KCNT2: variants seen among roughly 807,000 people sequenced by gnomAD.
KCNT2 encodes potassium sodium-activated channel subfamily T member 2.
A neutral mutation model predicts 153.8 loss-of-function variants in KCNT2; 67 were observed. The observed-to-expected ratio is 0.44, with a 90% CI of 0.36 to 0.53. KCNT2 has a LOEUF of 0.53. KCNT2 is among the 20% of genes least tolerant of loss of function. KCNT2 has a pLI of 0.00. For missense variants in KCNT2, 975 were observed against 1,354.8 expected, an observed-to-expected ratio of 0.72 and a Z score of 4.40; for synonymous variants, 500 against 458.8, an observed-to-expected ratio of 1.09 and a Z score of -1.15.
At chr1:196,582,496 G>A (rs1427130043) in intron 1 of KCNT2, 1 of 154,282 alleles carries the variant, frequency 6.5e-6, no homozygotes, top group Non-Finnish European at 1.5e-5. Context: ...TATGCAAGCA[G>A]GGAAGATAAA....
chr1:196,362,115 T>G (rs762136001), intron 14 of KCNT2, among the ~76,000 whole-genome samples: 7 of 152,066 alleles, frequency 4.6e-5, no homozygotes, highest in Non-Finnish European at 1.0e-4. Context: ...CCCCCACTTT[T>G]TTTGTTTGTT....
intron 8 of KCNT2, among the ~76,000 whole-genome samples, chr1:196,432,347 C>T (rs1674238211): frequency 6.6e-6 from 1 of 152,086 alleles, no homozygotes. Context: ...CCTGGTGGAG[C>T]CATCCCTGAA....
chr1:196,413,652 G>A (rs1357582837), intron 12 of KCNT2, among the ~76,000 whole-genome samples: 1 of 151,654 alleles, frequency 6.6e-6, no homozygotes, highest in East Asian at 1.9e-4. Flanking sequence ...TAGTCAGAAA[G>A]CATTTTGATC....
At chr1:196,296,295 T>C (rs1660669109) in intron 22 of KCNT2, among the ~76,000 whole-genome samples, 1 of 151,698 alleles carries the variant, frequency 6.6e-6, no homozygotes, top group South Asian at 2.1e-4. Context: ...AAAAATGAAA[T>C]AGTCAAAGAA....
intron 1 of KCNT2, among the ~76,000 whole-genome samples, chr1:196,548,746 G>T (rs1452100847): frequency 1.3e-5 from 2 of 151,978 alleles, no homozygotes; most frequent in African/African-American, 4.8e-5. Context: ...CAAACACTTG[G>T]AACCAACCCA....
At chr1:196,530,245 G>A (rs2148846401) in intron 1 of KCNT2, among the ~76,000 whole-genome samples, 1 of 152,014 alleles carries the variant, frequency 6.6e-6, no homozygotes. Flanking sequence ...GTTAGGAGGA[G>A]ATTTAAAATT....
intron 21 of KCNT2, 22 bp downstream of exon 21, chr1:196,315,870 G>A: frequency 3.8e-6 from 6 of 1,592,336 alleles, no homozygotes; most frequent in Non-Finnish European, 4.3e-6. Flanking sequence ...AAGTGGCAAG[G>A]TTGGATGATT....
intron 14 of KCNT2, among the ~76,000 whole-genome samples, chr1:196,350,441 A>G (rs1381248738): frequency 1.3e-5 from 2 of 152,026 alleles, no homozygotes; most frequent in African/African-American, 2.4e-5. Context: ...TTTGATTTGC[A>G]TTTCTCTGAT....
At chr1:196,232,173 T>A (rs577059576) in intron 27 of KCNT2, among the ~76,000 whole-genome samples, 6 of 151,948 alleles carry the variant, frequency 3.9e-5, no homozygotes, top group Middle Eastern at 3.4e-3. Context: ...CTATGCACAC[T>A]GCTTTATAGT....
At chr1:196,325,652 C>T (rs551321749) in intron 19 of KCNT2, among the ~76,000 whole-genome samples, 87 of 152,106 alleles carry the variant, frequency 5.7e-4, no homozygotes, top group Admixed American at 2.6e-3. Flanking sequence ...GTTTCTGTTC[C>T]CCTTCATTTA....
intron 26 of KCNT2, among the ~76,000 whole-genome samples, chr1:196,253,609 C>A (rs1656186377): frequency 6.6e-6 from 1 of 151,484 alleles, no homozygotes; most frequent in African/African-American, 2.4e-5. Context: ...ATTTCCCTTT[C>A]CCTGGGGAAC....
chr1:196,584,580 G>A (rs78074463), intron 1 of KCNT2, among the ~76,000 whole-genome samples: 8,767 of 152,138 alleles, frequency 0.058, 392 homozygotes, highest in Non-Finnish European at 0.085. Context: ...AATCAACAGA[G>A]TATGAGGATG....
At chr1:196,285,229 C>T (rs139252945) in intron 23 of KCNT2, among the ~76,000 whole-genome samples, 40 of 152,168 alleles carry the variant, frequency 2.6e-4, no homozygotes, top group African/African-American at 9.4e-4. Context: ...TTAAAATGTC[C>T]TTAGTTTATC....
At chr1:196,269,374 T>C (rs566883529) in intron 25 of KCNT2, among the ~76,000 whole-genome samples, 57 of 152,082 alleles carry the variant, frequency 3.7e-4, no homozygotes, top group Middle Eastern at 3.4e-3. Flanking sequence ...TGTGTGTGTG[T>C]GCATGTACGT....
At chr1:196,347,268 C>A (rs180834514) in intron 14 of KCNT2, among the ~76,000 whole-genome samples, 6 of 152,262 alleles carry the variant, frequency 3.9e-5, no homozygotes, top group African/African-American at 1.4e-4. Context: ...CTTCAGCTTA[C>A]AGTTCTATCC....
At chr1:196,448,266 T>C (rs1675864764) in intron 8 of KCNT2, among the ~76,000 whole-genome samples, 1 of 151,570 alleles carries the variant, frequency 6.6e-6, no homozygotes, top group African/African-American at 2.4e-5. Context: ...CTTAGAGCTA[T>C]TACTGGAATT....
At chr1:196,421,154 T>G (rs1457136414) in intron 12 of KCNT2, among the ~76,000 whole-genome samples, 1 of 152,030 alleles carries the variant, frequency 6.6e-6, no homozygotes, top group Non-Finnish European at 1.5e-5. Context: ...AAATTATTAT[T>G]AATATAAAAT....
At chr1:196,428,329 C>T (rs1673833188) in intron 9 of KCNT2, 60 bp from the exon 10 acceptor site, 1 of 1,169,962 alleles carries the variant, frequency 8.5e-7, no homozygotes, top group Non-Finnish European at 1.3e-6. Flanking sequence ...TAAATCAATG[C>T]AATACATCTA....
intron 1 of KCNT2, among the ~76,000 whole-genome samples, chr1:196,602,234 G>A (rs1016280888): frequency 4.6e-5 from 7 of 152,242 alleles, no homozygotes; most frequent in South Asian, 2.1e-4. Flanking sequence ...ATTTCAAATT[G>A]TAAGTATATA....
Sources: gnomAD v4.1 joint callset for allele counts (sites outside exome capture counted in the v4.1 genomes callset) on GRCh38, gnomAD v4.1.1 for gene constraint, MANE v1.5 for transcripts, NCBI Gene and HGNC (gene_info 2026-07-23, HGNC 2026-07-21) for gene names.